The following OR13A1 variants were observed in gnomAD, a reference collection of about 807,000 sequenced individuals.
The protein encoded by OR13A1 is olfactory receptor 13A1.
A neutral mutation model predicts 7.5 loss-of-function variants in OR13A1; 10 were observed. The ratio of observed to expected loss-of-function variants is 1.34; its 90% confidence interval spans 0.83 to 2.27. The LOEUF (loss-of-function observed/expected upper bound fraction) is 2.27. OR13A1 is among the 30% of genes most tolerant of loss of function. The pLI is 0.00. For missense variants in OR13A1, 509 were observed against 419.1 expected, an observed-to-expected ratio of 1.21 and a Z score of -1.87; for synonymous variants, 238 against 177.9, an observed-to-expected ratio of 1.34 and a Z score of -2.69.
chr10:45,311,125 G>T (rs967245966), intron 1 of OR13A1, among the ~76,000 whole-genome samples: 3 of 152,186 alleles, frequency 2.0e-5, no homozygotes, highest in African/African-American at 2.4e-5. Context: ...CAATACCACT[G>T]CTCAATTTTT....
chr10:45,306,972 G>C (rs1838343879), intron 3 of OR13A1, among the ~76,000 whole-genome samples: 1 of 152,204 alleles, frequency 6.6e-6, no homozygotes, highest in Admixed American at 6.5e-5. Flanking sequence ...TGATGGCCCA[G>C]TGAGTGACTC....
At chr10:45,307,159 T>C (rs1838348654) in intron 3 of OR13A1, among the ~76,000 whole-genome samples, 1 of 152,232 alleles carries the variant, frequency 6.6e-6, no homozygotes, top group Non-Finnish European at 1.5e-5. Flanking sequence ...TCAGCACAGC[T>C]GCAGCTGTAC....
In OR13A1 at chr10:45,307,923, A is replaced by G. The variant is rs191424215; in HGVS notation, c.-224-115T>C. The stretch of plus-strand genomic sequence containing the variant: ...TAATTTCATTGAGTATTTTCTAAAG[A>G]CAAATTATATTTTACATAAAATACA... On this transcript the variant is annotated intron_variant, in intron 1 of 3. Coordinates refer to ENST00000553795, the MANE Select transcript of OR13A1 (RefSeq NM_001004297.3). 3.3e-3 allele frequency: 498 copies of G among 152,356 alleles called. 2 individuals carry two copies. Among genetic ancestry groups the G allele is most frequent in the African/African-American group, 0.011 (476 of 41,570 alleles). 9.4% of individuals were successfully genotyped at this position (152,356 alleles called of 1,614,324 possible).
In OR13A1 at chr10:45,303,493, C is replaced by T. The variant is rs759262735; in HGVS notation, c.930G>A (p.Leu310=). 1.2e-6 allele frequency: 2 copies of T among 1,612,174 alleles called. No homozygotes were observed. The highest frequency in any genetic ancestry group is 4.5e-5 in the East Asian group (2 of 44,864). Residue 310 remains leucine (L), a synonymous_variant, in exon 4 of 4, where the codon TTG becomes TTA. Coordinates refer to ENST00000553795, the MANE Select transcript of OR13A1 (RefSeq NM_001004297.3). Reference sequence around the variant, plus strand: ...GGGCTGCTTTGACCTCCTTGTTTCTCAAAGTATAGATGAGGGGGTTGAGGG... The same window carrying T: ...GGGCTGCTTTGACCTCCTTGTTTCTTAAAGTATAGATGAGGGGGTTGAGGG... ...SPTLNPLIYT[L]RNKEVKAALR...
chr10:45,309,268 G>C (rs754998772), intron 1 of OR13A1, among the ~76,000 whole-genome samples: 1 of 152,106 alleles, frequency 6.6e-6, no homozygotes, highest in Non-Finnish European at 1.5e-5. Flanking sequence ...CATGGAAGGC[G>C]AGGCATGGAG....
rs1838259634 is a variant in OR13A1, at chr10:45,303,766, C to T, written c.657G>A (p.Leu219=). The change falls in exon 4 of 4, where the codon CTG becomes CTA. Residue 219 remains leucine, a synonymous_variant. Transcript: ENST00000553795. The part of the protein sequence containing the change: ...STYVNGVMIV[L]ADAFYGIVNF... ...TCACTATGCCGTAGAAAGCATCCGC[C>T]AGGACAATCATGACACCGTTGACGT... 1.2e-6 allele frequency: 2 copies of T among 1,614,090 alleles called. No homozygotes were observed. Among genetic ancestry groups the T allele is most frequent in the Non-Finnish European group, 1.7e-6 (2 of 1,180,046 alleles).
chr10:45,310,755 A>C (rs574704638), intron 1 of OR13A1, among the ~76,000 whole-genome samples: 22 of 152,360 alleles, frequency 1.4e-4, no homozygotes, highest in Non-Finnish European at 3.1e-4. Context: ...CGAGGAAGAA[A>C]AAAAGGATGA....
In OR13A1 at chr10:45,303,262, C is replaced by T; in HGVS notation, c.*174G>A. The T allele has an allele frequency of 1.5e-6, 1 of 681,156 alleles. No homozygotes were observed. The highest frequency in any genetic ancestry group is 2.5e-6 in the Non-Finnish European group (1 of 403,376). The allele number at this position is 681,156 out of a possible 1,614,324, so 42.2% of individuals were successfully genotyped here. ...TGTCTCAGAGGCTGGTGGGTCACAC[C>T]TACCGCAATCCCCCCATCACCAAGT... is the stretch of plus-strand genomic sequence containing the variant. On this transcript the variant is annotated 3_prime_UTR_variant, in exon 4 of 4. Transcript: ENST00000553795.
chr10:45,304,685 A>G (rs1365712105), intron 3 of OR13A1, among the ~76,000 whole-genome samples: 3 of 152,220 alleles, frequency 2.0e-5, no homozygotes, highest in Non-Finnish European at 2.9e-5. Flanking sequence ...TTCATCATCC[A>G]TGATCTGGCA....
intron 1 of OR13A1, among the ~76,000 whole-genome samples, chr10:45,310,171 A>G (rs976536610): frequency 6.6e-6 from 1 of 152,236 alleles, no homozygotes; most frequent in Non-Finnish European, 1.5e-5. Flanking sequence ...ATAATATGCT[A>G]CCATTCAGGA....
intron 3 of OR13A1, 122 bp from the exon 4 acceptor site, chr10:45,304,556 A>G (rs1324916001): frequency 1.2e-6 from 1 of 813,538 alleles, no homozygotes; most frequent in African/African-American, 1.7e-5. Context: ...ACACCCCAAT[A>G]TTACAGTAGA....
At chr10:45,304,476 C>A (rs912111489) in intron 3 of OR13A1, 42 bp from the exon 4 acceptor site, 93 of 1,532,074 alleles carry the variant, frequency 6.1e-5, no homozygotes, top group Non-Finnish European at 8.1e-5. Context: ...AGGCTGCTCC[C>A]GTGTTTCTTC....
rs2133034922 is a variant in OR13A1 at position 45,304,026 on chromosome 10, G to A, written c.397C>T (p.Leu133Phe). The A allele has an allele frequency of 3.1e-6, 5 of 1,613,160 alleles. No homozygotes were observed. In the East Asian group the frequency reaches 1.1e-4, roughly 36 times the overall value. ...TACCGGTCATAGGCCATGACCGTGA[G>A]GAGCAGCAGCTCTGAGGATGCAGCC... is the stretch of plus-strand genomic sequence containing the variant. ...TWAASSELLL[L>F]TVMAYDRYAA... Residue 133 changes from leucine (L) to phenylalanine (F), a missense_variant, in exon 4 of 4, where the codon CTC becomes TTC. By Grantham distance (22) the Leu-to-Phe change is conservative. Coordinates refer to ENST00000553795, the MANE Select transcript of OR13A1 (RefSeq NM_001004297.3).
chr10:45,310,891 C>T (rs918189654), intron 1 of OR13A1, among the ~76,000 whole-genome samples: 2 of 152,152 alleles, frequency 1.3e-5, no homozygotes, highest in African/African-American at 2.4e-5. Flanking sequence ...TTATAATATC[C>T]TTACAAGGTA....
intron 1 of OR13A1, chr10:45,308,605 A>G (rs1812582300): frequency 6.6e-6 from 1 of 152,266 alleles, no homozygotes; most frequent in African/African-American, 2.4e-5. Context: ...AACAAAAACC[A>G]TTAAGTCTTT....
chr10:45,306,991 C>T (rs1838344422), intron 3 of OR13A1, among the ~76,000 whole-genome samples: 1 of 152,212 alleles, frequency 6.6e-6, no homozygotes, highest in Admixed American at 6.5e-5. Flanking sequence ...TCCTCTTTAA[C>T]TCCAGGGACA....
chr10:45,303,896 A>G lies in OR13A1; in HGVS notation c.527T>C (p.Ile176Thr). Residue 176 changes from isoleucine (I) to threonine (T), a missense_variant, in exon 4 of 4, where the codon ATC becomes ACC. Physicochemically the swap from Ile to Thr is moderately conservative, Grantham distance 89. Transcript: ENST00000553795. ...CAAGCGCAGCATCAGCCCCGTGTGG[A>G]TGGCCGTGTTGACGGCGCAGAGCAG... ...VWLLCAVNTA[I>T]HTGLMLRLDF... The G allele has an allele frequency of 3.7e-6, 6 of 1,613,554 alleles. No homozygotes were observed. Among genetic ancestry groups the G allele is most frequent in the Non-Finnish European group, 5.1e-6 (6 of 1,180,032 alleles).
chr10:45,303,271 T>C lies in OR13A1; in HGVS notation c.*165A>G, dbSNP rs1302755334. 5.6e-6 allele frequency: 4 copies of C among 719,238 alleles called. No homozygotes were observed. The highest frequency in any genetic ancestry group is 2.5e-5 in the East Asian group (1 of 39,418). The allele number at this position is 719,238 out of a possible 1,614,324, so 44.6% of individuals were successfully genotyped here. ...GGCTGGTGGGTCACACCTACCGCAA[T>C]CCCCCCATCACCAAGTCTCAGGGAA... On this transcript the variant is annotated 3_prime_UTR_variant, in exon 4 of 4. Coordinates refer to ENST00000553795, the MANE Select transcript of OR13A1 (RefSeq NM_001004297.3).
At chr10:45,313,722 T>A (rs1379622113) in intron 1 of OR13A1, among the ~76,000 whole-genome samples, 1 of 152,060 alleles carries the variant, frequency 6.6e-6, no homozygotes, top group Non-Finnish European at 1.5e-5. Context: ...GATATAACAA[T>A]TACAAATATA....
Sources: gnomAD v4.1 joint callset for allele counts (sites outside exome capture counted in the v4.1 genomes callset) on GRCh38, gnomAD v4.1.1 for gene constraint, MANE v1.5 for transcripts, NCBI Gene and HGNC (gene_info 2026-07-23, HGNC 2026-07-21) for gene names.